The following ISM1 variants were observed in gnomAD, a reference collection of about 807,000 sequenced individuals.
The protein encoded by ISM1 is isthmin 1.
In ISM1, 25 loss-of-function variants were observed where a neutral mutation model predicts 46.3. That is an observed-to-expected ratio of 0.54 (90% CI 0.39 to 0.75). The LOEUF (loss-of-function observed/expected upper bound fraction) is 0.75. Ranked by LOEUF, ISM1 falls within the 30% of genes least tolerant of loss-of-function variation. ISM1 has a pLI of 0.00. For synonymous variants in ISM1, 255 were observed against 256.7 expected (o/e 0.99, Z 0.06); for missense variants, 536 against 625.4 (o/e 0.86, Z 1.52).
the ISM1 span, among the ~76,000 whole-genome samples, chr20:13,313,111 T>C: frequency 6.6e-6 from 1 of 152,194 alleles, no homozygotes; most frequent in Non-Finnish European, 1.5e-5. Flanking sequence ...CCTTAACCAA[T>C]GACTCCCGCA....
At chr20:13,306,854 G>T in the ISM1 span, among the ~76,000 whole-genome samples, 1 of 152,130 alleles carries the variant, frequency 6.6e-6, no homozygotes, top group African/African-American at 2.4e-5. Context: ...AAAGAACGAG[G>T]TGTCCCATGC....
chr20:13,303,701 A>AG (rs1375376218), downstream of ISM1, among the ~76,000 whole-genome samples: 3 of 152,234 alleles, frequency 2.0e-5, no homozygotes, highest in Non-Finnish European at 1.5e-5. Context: ...ATTGGCATTT[A>AG]GTCATTTGCC....
At chr20:13,245,296 TC>T (rs1463900180) in intron 1 of ISM1, 2 of 152,164 alleles carry the variant, frequency 1.3e-5, no homozygotes, top group African/African-American at 2.4e-5. Context: ...AGCCCTCAGT[TC>T]CTTGCCATGT....
intron 4 of ISM1, among the ~76,000 whole-genome samples, chr20:13,290,416 G>A (rs1038974315): frequency 4.8e-4 from 73 of 152,338 alleles, no homozygotes; most frequent in African/African-American, 1.6e-3. Context: ...TTGGGAGGCC[G>A]AGGCGGGCAG....
intron 5 of ISM1, among the ~76,000 whole-genome samples, chr20:13,292,829 A>G (rs2040367464): frequency 6.6e-6 from 1 of 152,148 alleles, no homozygotes; most frequent in South Asian, 2.1e-4. Context: ...TGGTGCCCTC[A>G]GTTCTCCAGC....
chr20:13,268,233 A>C (rs1387229592), intron 1 of ISM1, among the ~76,000 whole-genome samples: 4 of 130,806 alleles, frequency 3.1e-5, no homozygotes, highest in South Asian at 2.4e-4. Flanking sequence ...TCTCTCTTCT[A>C]TTCTTTCTCT....
chr20:13,325,285 T>C, the ISM1 span, among the ~76,000 whole-genome samples: 2 of 152,226 alleles, frequency 1.3e-5, no homozygotes, highest in Non-Finnish European at 1.5e-5. Context: ...TCTTCTGAAA[T>C]GCGAGGTTGC....
At chr20:13,301,690 GA>G (rs1447212293), downstream of ISM1, among the ~76,000 whole-genome samples, 1 of 152,070 alleles carries the variant, frequency 6.6e-6, no homozygotes, top group African/African-American at 2.4e-5. Context: ...TTATAATAAT[GA>G]GGAAATTTTT....
chr20:13,269,533 G>A (rs2040086314), intron 1 of ISM1, among the ~76,000 whole-genome samples: 1 of 152,104 alleles, frequency 6.6e-6, no homozygotes, highest in Non-Finnish European at 1.5e-5. Flanking sequence ...AGCTTCGCTG[G>A]CCATTCTGTT....
intron 1 of ISM1, among the ~76,000 whole-genome samples, chr20:13,225,104 T>C (rs112426085): frequency 0.12 from 18,896 of 151,314 alleles, 1,363 homozygotes; most frequent in Middle Eastern, 0.19. Context: ...CCGCCCGCCT[T>C]GGCCTCCCAA....
chr20:13,275,726 G>A (rs1318039255), intron 2 of ISM1, among the ~76,000 whole-genome samples: 1 of 152,248 alleles, frequency 6.6e-6, no homozygotes, highest in East Asian at 1.9e-4. Context: ...ACAGGGCCCA[G>A]TATAGGATAA....
intron 3 of ISM1, 105 bp from the exon 4 acceptor site, chr20:13,288,435 C>A: frequency 8.0e-7 from 1 of 1,242,348 alleles, no homozygotes; most frequent in Non-Finnish European, 1.1e-6. Flanking sequence ...GCAATCCCCT[C>A]CCACAGCGAG....
intron 2 of ISM1, among the ~76,000 whole-genome samples, chr20:13,277,818 A>C (rs1383388182): frequency 6.6e-6 from 1 of 152,078 alleles, no homozygotes; most frequent in Non-Finnish European, 1.5e-5. Context: ...CAGCCTGAGT[A>C]GACTCTGGGG....
intron 1 of ISM1, among the ~76,000 whole-genome samples, chr20:13,222,690 A>G (rs2039465474): frequency 6.6e-6 from 1 of 152,242 alleles, no homozygotes; most frequent in African/African-American, 2.4e-5. Flanking sequence ...GAGAGGGCGT[A>G]GTGGACGGTC....
chr20:13,270,033 T>C (rs1396749422), intron 1 of ISM1, among the ~76,000 whole-genome samples: 3 of 152,102 alleles, frequency 2.0e-5, no homozygotes, highest in African/African-American at 2.4e-5. Context: ...GATGAATGTA[T>C]GTAATGAATA....
Position 13,221,730 on chromosome 20 carries a change from C to T in ISM1, c.-47C>T. On this transcript the variant is annotated 5_prime_UTR_variant, in exon 1 of 6. Coordinates refer to ENST00000262487, the MANE Select transcript of ISM1 (RefSeq NM_080826.2). ...CCTCCTCCCCCGGCGTCACCGCCGC[C>T]GCCGCCGGCCGCCGCGCCGGGTCCT... 2 of 1,342,384 alleles carry T rather than the reference C, an allele frequency of 1.5e-6. No homozygotes were observed. The highest frequency in any genetic ancestry group is 3.7e-5 in the South Asian group (2 of 53,636). 83.2% of individuals were successfully genotyped at this position (1,342,384 alleles called of 1,614,324 possible).
intron 1 of ISM1, among the ~76,000 whole-genome samples, chr20:13,234,435 G>T (rs2039624748): frequency 6.6e-6 from 1 of 152,116 alleles, no homozygotes. Flanking sequence ...GTATCTTTTT[G>T]ATGTATTGAT....
intron 1 of ISM1, among the ~76,000 whole-genome samples, chr20:13,247,039 C>G (rs2039802614): frequency 6.6e-6 from 1 of 151,982 alleles, no homozygotes; most frequent in Non-Finnish European, 1.5e-5. Flanking sequence ...AGTTAGAGAC[C>G]AGTCTGGCCA....
At chr20:13,314,260 A>G in the ISM1 span, among the ~76,000 whole-genome samples, 3 of 152,142 alleles carry the variant, frequency 2.0e-5, no homozygotes, top group Non-Finnish European at 4.4e-5. Context: ...ATAAAACTAT[A>G]AATCCAGGAA....
Sources: gnomAD v4.1 joint callset for allele counts (sites outside exome capture counted in the v4.1 genomes callset) on GRCh38, gnomAD v4.1.1 for gene constraint, MANE v1.5 for transcripts, NCBI Gene and HGNC (gene_info 2026-07-23, HGNC 2026-07-21) for gene names.